Variants in GRAMD1B observed in about 807,000 individuals in gnomAD.
GRAMD1B encodes the protein protein Aster-B.
Under a neutral mutation model 99.7 loss-of-function variants are expected in GRAMD1B, and 37 were observed. The observed-to-expected ratio is 0.37, with a 90% CI of 0.29 to 0.49. The LOEUF (loss-of-function observed/expected upper bound fraction) is 0.49. GRAMD1B is among the 20% of genes least tolerant of loss of function. GRAMD1B has a pLI of 0.98. For synonymous variants in GRAMD1B, 427 were observed against 387.6 expected (o/e 1.10, Z -1.19); for missense variants, 888 against 1,009.2 (o/e 0.88, Z 1.63).
intron 2 of GRAMD1B, among the ~76,000 whole-genome samples, chr11:123,560,081 C>T (rs916863560): frequency 2.0e-5 from 3 of 148,088 alleles, no homozygotes; most frequent in Admixed American, 6.7e-5. Flanking sequence ...CCCCCCGCAG[C>T]CCCAGCGGCT....
intron 1 of GRAMD1B, among the ~76,000 whole-genome samples, chr11:123,404,167 C>T (rs1947773081): frequency 6.6e-6 from 1 of 152,140 alleles, no homozygotes; most frequent in Admixed American, 6.6e-5. Context: ...GGCAGGATTG[C>T]ACACAATGTT....
intron 14 of GRAMD1B, 97 bp from the exon 15 acceptor site, chr11:123,612,664 G>C (rs1953747652): frequency 8.2e-6 from 6 of 732,330 alleles, no homozygotes; most frequent in Non-Finnish European, 1.2e-5. Context: ...TAGTACAAAT[G>C]TGAAGCGGAT....
chr11:123,536,653 T>C (rs1239811404), intron 2 of GRAMD1B, among the ~76,000 whole-genome samples: 2 of 152,206 alleles, frequency 1.3e-5, no homozygotes, highest in South Asian at 4.1e-4. Flanking sequence ...TAAAATTTAC[T>C]ACTGTTTTTC....
intron 2 of GRAMD1B, among the ~76,000 whole-genome samples, chr11:123,488,409 G>C (rs756761262): frequency 2.0e-5 from 3 of 152,164 alleles, no homozygotes; most frequent in African/African-American, 7.2e-5. Flanking sequence ...CCGGGCATTT[G>C]GGCATGGTAT....
At chr11:123,513,621 T>TTCCTTCCTTC (rs1306827051) in intron 2 of GRAMD1B, among the ~76,000 whole-genome samples, 638 of 36,018 alleles carry the variant, frequency 0.018, 10 homozygotes, top group African/African-American at 0.036. Flanking sequence ...TTCCTTCCTT[T>TTCCTTCCTTC]CTTTCTTTCT....
At chr11:123,435,219 C>T (rs548795900) in intron 1 of GRAMD1B, among the ~76,000 whole-genome samples, 1 of 152,288 alleles carries the variant, frequency 6.6e-6, no homozygotes, top group African/African-American at 2.4e-5. Context: ...GCATACCAGG[C>T]CCAGCATGAC....
At chr11:123,618,236 A>T in intron 17 of GRAMD1B, 3 of 858,156 alleles carry the variant, frequency 3.5e-6, no homozygotes, top group Admixed American at 1.9e-5. Flanking sequence ...TTTTTCTCAT[A>T]TACTCTCACT....
chr11:123,606,776 C>T lies in GRAMD1B; in HGVS notation c.1491C>T (p.Asp497=). ...AGGACATCCCCACTGAGCTCAGTGA[C>T]TCTTCCGACACACACGATGAAGGTG... The part of the protein sequence containing the change: ...DNEDIPTELS[D]SSDTHDEGEV... The change falls in exon 11 of 20, where the codon GAC becomes GAT. Residue 497 remains aspartate, a synonymous_variant. Coordinates refer to ENST00000635736, the MANE Select transcript of GRAMD1B (RefSeq NM_001387025.1). The T allele has an allele frequency of 1.2e-6, 2 of 1,613,780 alleles. No homozygotes were observed. Among genetic ancestry groups the T allele is most frequent in the Non-Finnish European group, 1.7e-6 (2 of 1,179,772 alleles).
intron 1 of GRAMD1B, among the ~76,000 whole-genome samples, chr11:123,446,973 GA>G (rs1415066627): frequency 1.3e-5 from 2 of 152,074 alleles, no homozygotes; most frequent in East Asian, 3.9e-4. Context: ...AAGAGAAAGA[GA>G]GGCAAGAAAG....
chr11:123,533,990 T>G lies in GRAMD1B; in HGVS notation c.453-43377T>G, dbSNP rs114680383. On this transcript the variant is annotated intron_variant, in intron 2 of 19. Coordinates refer to ENST00000635736, the MANE Select transcript of GRAMD1B (RefSeq NM_001387025.1). The stretch of plus-strand genomic sequence containing the variant: ...ACGAAAAGTTTGAGGAATAGTAATT[T>G]ATGAAGACAGCATTTAATGGTTTGA... 5.3e-3 allele frequency among the ~76,000 whole-genome samples: 803 copies of G among 152,356 alleles called. 8 individuals carry two copies. Among genetic ancestry groups the G allele is most frequent in the African/African-American group, 0.019 (782 of 41,580 alleles).
intron 1 of GRAMD1B, among the ~76,000 whole-genome samples, chr11:123,385,548 A>G (rs1947026829): frequency 6.6e-6 from 1 of 151,866 alleles, no homozygotes; most frequent in Non-Finnish European, 1.5e-5. Flanking sequence ...CCATGAACAT[A>G]TTTATGCTCT....
At chr11:123,581,382 G>A (rs1324617321) in intron 3 of GRAMD1B, among the ~76,000 whole-genome samples, 3 of 152,176 alleles carry the variant, frequency 2.0e-5, no homozygotes, top group South Asian at 2.1e-4. Context: ...GATGAGGGAC[G>A]CCCCTTCTCA....
intron 1 of GRAMD1B, among the ~76,000 whole-genome samples, chr11:123,401,857 C>T (rs184203552): frequency 4.6e-5 from 7 of 152,074 alleles, no homozygotes; most frequent in South Asian, 2.1e-4. Context: ...TGCAGTGAGC[C>T]GTGGTCTCAT....
intron 1 of GRAMD1B, among the ~76,000 whole-genome samples, chr11:123,379,435 A>G (rs537671935): frequency 2.5e-4 from 38 of 152,240 alleles, no homozygotes; most frequent in African/African-American, 8.4e-4. Context: ...TCTATCTTCT[A>G]GCTTTAATTC....
At chr11:123,449,170 G>C (rs1306836295) in intron 1 of GRAMD1B, among the ~76,000 whole-genome samples, 1 of 152,212 alleles carries the variant, frequency 6.6e-6, no homozygotes, top group Non-Finnish European at 1.5e-5. Flanking sequence ...TCTTCATTAT[G>C]TCTGTGTTTC....
intron 1 of GRAMD1B, among the ~76,000 whole-genome samples, chr11:123,457,377 G>A (rs1950208096): frequency 6.6e-6 from 1 of 152,178 alleles, no homozygotes; most frequent in Admixed American, 6.5e-5. Flanking sequence ...TGTCCAGCCA[G>A]CGTCAGCCTA....
rs935214412 is a variant in GRAMD1B at position 123,604,897 on chromosome 11, C to T, written c.1167-425C>T. On this transcript the variant is annotated intron_variant, in intron 9 of 19. Transcript: ENST00000635736. ...ATCATCAAGAATTTGGGCAATGCCA[C>T]TTAAGGAGCGCTCATGTCCAGAGTC... 2.0e-5 allele frequency among the ~76,000 whole-genome samples: 3 copies of T among 152,284 alleles called. 1 individual carries two copies. The highest frequency in any genetic ancestry group is 3.4e-3 in the Middle Eastern group (1 of 294).
chr11:123,596,407 C>T (rs1042416831), intron 7 of GRAMD1B, among the ~76,000 whole-genome samples: 7 of 152,188 alleles, frequency 4.6e-5, no homozygotes, highest in African/African-American at 1.7e-4. Flanking sequence ...AATTGTAAAG[C>T]AGTATACAAA....
Position 123,596,056 on chromosome 11 carries a change from T to C in GRAMD1B, c.969+19T>C, listed in dbSNP as rs1290218179. On this transcript the variant is annotated intron_variant, in intron 7 of 19. Transcript: ENST00000635736. ...AGAAAAGGTAAGTGGAGTCTAACTC[T>C]GGCCTTTCTAATCCTCCCTTACTCC... 5 of 1,386,974 alleles carry C rather than the reference T, an allele frequency of 3.6e-6. No individual in the cohort carries two copies. Among genetic ancestry groups the C allele is most frequent in the Non-Finnish European group, 4.1e-6 (4 of 984,498 alleles). The allele number at this position is 1,386,974 out of a possible 1,614,324, so 85.9% of individuals were successfully genotyped here.
Sources: allele counts gnomAD v4.1 joint callset (sites outside exome capture counted in the v4.1 genomes callset), GRCh38; gene constraint gnomAD v4.1.1; transcripts MANE v1.5; gene names NCBI Gene and HGNC (gene_info 2026-07-23, HGNC 2026-07-21).